The following SLC24A3 variants were observed in gnomAD, a reference collection of about 807,000 sequenced individuals.
SLC24A3 encodes solute carrier family 24 member 3.
A neutral mutation model predicts 75.8 loss-of-function variants in SLC24A3; 28 were observed. The ratio of observed to expected loss-of-function variants is 0.37; its 90% CI spans 0.27 to 0.51. SLC24A3 has a LOEUF of 0.51. Ranked by LOEUF, SLC24A3 falls within the 20% of genes least tolerant of loss-of-function variation. The pLI is 0.94. For missense variants in SLC24A3, 663 were observed against 847.8 expected (o/e 0.78, Z 2.71); for synonymous variants, 372 against 334.1 (o/e 1.11, Z -1.24).
intron 3 of SLC24A3, among the ~76,000 whole-genome samples, chr20:19,577,768 C>T (rs1322647962): frequency 6.6e-6 from 1 of 152,082 alleles, no homozygotes; most frequent in Non-Finnish European, 1.5e-5. Flanking sequence ...AATGCCTTTC[C>T]TTATCACTTC....
chr20:19,436,498 A>G (rs965547230), intron 2 of SLC24A3, among the ~76,000 whole-genome samples: 5 of 152,216 alleles, frequency 3.3e-5, no homozygotes, highest in Non-Finnish European at 7.3e-5. Flanking sequence ...TCCCCACCTC[A>G]ACCCTAGTTT....
chr20:19,451,948 C>T (rs1987488617), intron 2 of SLC24A3, among the ~76,000 whole-genome samples: 1 of 152,180 alleles, frequency 6.6e-6, no homozygotes, highest in Non-Finnish European at 1.5e-5. Flanking sequence ...GAGCCTCCCT[C>T]CCCATCCCGT....
At chr20:19,406,626 A>C (rs911161415) in intron 2 of SLC24A3, among the ~76,000 whole-genome samples, 1 of 152,220 alleles carries the variant, frequency 6.6e-6, no homozygotes, top group African/African-American at 2.4e-5. Context: ...GAATGCAGTG[A>C]GAAAAGTGGG....
chr20:19,451,749 G>A (rs969271151), intron 2 of SLC24A3, among the ~76,000 whole-genome samples: 1 of 152,172 alleles, frequency 6.6e-6, no homozygotes, highest in African/African-American at 2.4e-5. Flanking sequence ...TCTCTTCCTG[G>A]TGTTGTGTTC....
At chr20:19,402,512 AAGT>A (rs1262227890) in intron 2 of SLC24A3, among the ~76,000 whole-genome samples, 23 of 152,220 alleles carry the variant, frequency 1.5e-4, no homozygotes, top group Non-Finnish European at 4.4e-5. Flanking sequence ...CCTCAACAAG[AAGT>A]AGAATTAGAC....
chr20:19,638,975 A>G (rs1419515758), intron 6 of SLC24A3, among the ~76,000 whole-genome samples: 1 of 152,182 alleles, frequency 6.6e-6, no homozygotes, highest in Non-Finnish European at 1.5e-5. Flanking sequence ...AAAGAGTGAA[A>G]GAACAAACCT....
chr20:19,681,761 T>G, intron 9 of SLC24A3, 97 bp from the exon 10 acceptor site: 1 of 1,592,022 alleles, frequency 6.3e-7, no homozygotes, highest in Non-Finnish European at 8.6e-7. Flanking sequence ...TGACTGTGCA[T>G]GCAGACTGGG....
At chr20:19,532,771 C>T (rs1393077012) in intron 3 of SLC24A3, among the ~76,000 whole-genome samples, 2 of 152,158 alleles carry the variant, frequency 1.3e-5, no homozygotes, top group Non-Finnish European at 2.9e-5. Context: ...CCATAGAGAC[C>T]TGAAAGTCAC....
intron 1 of SLC24A3, among the ~76,000 whole-genome samples, chr20:19,266,995 A>G (rs937452658): frequency 5.3e-5 from 8 of 152,190 alleles, no homozygotes; most frequent in African/African-American, 1.4e-4. Context: ...TAAAACCTGG[A>G]TCTGCCCCAG....
chr20:19,701,661 C>T (rs573777135), intron 15 of SLC24A3, among the ~76,000 whole-genome samples: 3 of 152,246 alleles, frequency 2.0e-5, no homozygotes, highest in East Asian at 3.9e-4. Flanking sequence ...CTGATGAACC[C>T]GTTGGCAGTC....
chr20:19,709,738 A>T (rs2032969904), intron 15 of SLC24A3, among the ~76,000 whole-genome samples: 1 of 152,162 alleles, frequency 6.6e-6, no homozygotes, highest in Non-Finnish European at 1.5e-5. Context: ...ACAAAAAGTG[A>T]GAATTTAGGG....
intron 6 of SLC24A3, among the ~76,000 whole-genome samples, chr20:19,585,776 C>T (rs1238406423): frequency 6.6e-6 from 1 of 152,118 alleles, no homozygotes; most frequent in Non-Finnish European, 1.5e-5. Flanking sequence ...TGCTCAGGTC[C>T]ACATAAATAA....
chr20:19,488,037 A>C (rs1017984558), intron 2 of SLC24A3, among the ~76,000 whole-genome samples: 6 of 152,242 alleles, frequency 3.9e-5, no homozygotes, highest in African/African-American at 1.4e-4. Context: ...CCACATCCCA[A>C]ATAGGCCCTT....
intron 2 of SLC24A3, among the ~76,000 whole-genome samples, chr20:19,319,402 C>T (rs919310503): frequency 1.3e-5 from 2 of 152,244 alleles, no homozygotes; most frequent in African/African-American, 4.8e-5. Context: ...GGCTCAAATG[C>T]AGTGGTGTGA....
chr20:19,522,764 C>A (rs1361528892), intron 3 of SLC24A3, among the ~76,000 whole-genome samples: 1 of 146,098 alleles, frequency 6.8e-6, no homozygotes, highest in African/African-American at 2.6e-5. Flanking sequence ...CCCAGGGCTC[C>A]AGGAGAGGCT....
rs184705798 is a variant in SLC24A3, at chr20:19,554,107, C to T, written c.349-25893C>T. On this transcript the variant is annotated intron_variant, in intron 3 of 16. Transcript: ENST00000328041. Reference sequence around the variant, plus strand: ...TCTATCCAGTATGGTGGCCAGCAGGCATGGATGGCTCAGGCACATGTGAAA... The same window carrying T: ...TCTATCCAGTATGGTGGCCAGCAGGTATGGATGGCTCAGGCACATGTGAAA... Among the ~76,000 whole-genome samples, 72 of 152,212 alleles carry T rather than the reference C, an allele frequency of 4.7e-4. No individual in the cohort carries two copies. The Middle Eastern group carries it at 0.01, about 22-fold the overall frequency.
rs201795420 is a variant in SLC24A3, at chr20:19,231,241, AC to A, written c.142+18258del. Among the ~76,000 whole-genome samples the A allele has an allele frequency of 5.4e-3, 825 of 152,344 alleles. 3 individuals are homozygous for A. Among genetic ancestry groups the A allele is most frequent in the Non-Finnish European group, 9.2e-3 (629 of 68,036 alleles). On this transcript the variant is annotated intron_variant, in intron 1 of 16. Coordinates refer to ENST00000328041, the MANE Select transcript of SLC24A3 (RefSeq NM_020689.4). ...CTGGATATTTCTGCCAGGAAGTTAG[AC>A]AAGGAGCTACCCCAGTGTGGTTTGC...
intron 2 of SLC24A3, among the ~76,000 whole-genome samples, chr20:19,499,390 G>C (rs1988350784): frequency 6.6e-6 from 1 of 152,178 alleles, no homozygotes; most frequent in Non-Finnish European, 1.5e-5. Flanking sequence ...GCCTTCTTCT[G>C]GGTGACGGAC....
intron 2 of SLC24A3, among the ~76,000 whole-genome samples, chr20:19,288,230 G>C (rs1983859610): frequency 6.6e-6 from 1 of 152,172 alleles, no homozygotes; most frequent in Non-Finnish European, 1.5e-5. Flanking sequence ...CGAGGCTTCT[G>C]ACTAATAAGT....
Sources: allele counts gnomAD v4.1 joint callset (sites outside exome capture counted in the v4.1 genomes callset), GRCh38; gene constraint gnomAD v4.1.1; transcripts MANE v1.5; gene names NCBI Gene and HGNC (gene_info 2026-07-23, HGNC 2026-07-21).